The following MB21D2 variants were observed in gnomAD, a reference collection of about 807,000 sequenced individuals.
MB21D2 encodes the protein nucleotidyltransferase MB21D2.
A neutral mutation model predicts 33.3 loss-of-function variants in MB21D2; 9 were observed. That is an observed-to-expected ratio of 0.27 (90% CI 0.16 to 0.47). The LOEUF is 0.47. MB21D2 is among the 20% of genes least tolerant of loss of function. The pLI is 0.99. For synonymous variants in MB21D2, 241 were observed against 236.3 expected, an observed-to-expected ratio of 1.02 and a Z score of -0.18; for missense variants, 540 against 624.6, an observed-to-expected ratio of 0.86 and a Z score of 1.44.
At chr3:192,839,040 T>A (rs529120792) in intron 1 of MB21D2, among the ~76,000 whole-genome samples, 4 of 152,294 alleles carry the variant, frequency 2.6e-5, no homozygotes, top group South Asian at 4.1e-4. Context: ...GTTACGACCT[T>A]TTTCTTTTAC....
chr3:192,841,203 TAA>T (rs747729573), intron 1 of MB21D2, among the ~76,000 whole-genome samples: 2 of 152,182 alleles, frequency 1.3e-5, no homozygotes, highest in Non-Finnish European at 2.9e-5. Flanking sequence ...CCTGCAAACT[TAA>T]ACAGTGCCAG....
intron 1 of MB21D2, among the ~76,000 whole-genome samples, chr3:192,850,669 C>G (rs1188944088): frequency 6.6e-6 from 1 of 152,188 alleles, no homozygotes; most frequent in Non-Finnish European, 1.5e-5. Flanking sequence ...CTGAGCAAAC[C>G]TGTCAGTGGA....
intron 1 of MB21D2, among the ~76,000 whole-genome samples, chr3:192,825,478 TA>T (rs1162371598): frequency 6.8e-6 from 1 of 147,920 alleles, no homozygotes; most frequent in Non-Finnish European, 1.5e-5. Flanking sequence ...GCCCATGAAA[TA>T]AAAAGAAAAA....
intron 1 of MB21D2, among the ~76,000 whole-genome samples, chr3:192,841,746 CTG>C (rs1033342708): frequency 4.6e-5 from 7 of 152,246 alleles, no homozygotes; most frequent in African/African-American, 1.4e-4. Flanking sequence ...GTGGAGTAAT[CTG>C]TTACACAGCA....
intron 1 of MB21D2, among the ~76,000 whole-genome samples, chr3:192,822,558 G>A (rs572689288): frequency 2.0e-5 from 3 of 152,306 alleles, no homozygotes; most frequent in Admixed American, 6.5e-5. Context: ...TGGGGACCAC[G>A]AGGAAGCATG....
chr3:192,832,828 A>C (rs1056559659), intron 1 of MB21D2, among the ~76,000 whole-genome samples: 2 of 152,172 alleles, frequency 1.3e-5, no homozygotes, highest in African/African-American at 4.8e-5. Context: ...GAGTACATCT[A>C]CTGACAGACC....
At position 192,851,981 on chromosome 3, in the gene MB21D2, GAAC is replaced by G. The variant is rs1242890927; in HGVS notation, c.212-52334_212-52332del. ...TTCTAGGAAACATCAACAAAGACTA[GAAC>G]AACTGGGCAGCTTCGAGGAATGATT... On this transcript the variant is annotated intron_variant, in intron 1 of 1. Coordinates refer to ENST00000392452, the MANE Select transcript of MB21D2 (RefSeq NM_178496.4). 4.6e-5 allele frequency among the ~76,000 whole-genome samples: 7 copies of G among 152,246 alleles called. No individual in the cohort carries two copies. The East Asian group carries it at 1.4e-3, about 29-fold the overall frequency.
intron 1 of MB21D2, among the ~76,000 whole-genome samples, chr3:192,893,070 A>G (rs545235199): frequency 2.4e-4 from 37 of 152,250 alleles, no homozygotes; most frequent in South Asian, 1.0e-3. Context: ...GCCTTCCAAG[A>G]CGCAGTTACA....
chr3:192,802,367 C>T (rs1711579482), intron 1 of MB21D2, among the ~76,000 whole-genome samples: 3 of 134,850 alleles, frequency 2.2e-5, no homozygotes, highest in Admixed American at 2.2e-4. Flanking sequence ...TCATAAACAT[C>T]CTAACTCCAT....
At chr3:192,869,912 T>G (rs1713253692) in intron 1 of MB21D2, among the ~76,000 whole-genome samples, 1 of 152,146 alleles carries the variant, frequency 6.6e-6, no homozygotes, top group African/African-American at 2.4e-5. Flanking sequence ...AGCTTCAGCC[T>G]TTAAATTATA....
At chr3:192,887,762 G>T (rs1237963921) in intron 1 of MB21D2, among the ~76,000 whole-genome samples, 1 of 151,886 alleles carries the variant, frequency 6.6e-6, no homozygotes, top group Non-Finnish European at 1.5e-5. Flanking sequence ...CCTATTTTTT[G>T]AACGCTAGCA....
intron 1 of MB21D2, among the ~76,000 whole-genome samples, chr3:192,825,816 T>C (rs182586411): frequency 5.9e-5 from 9 of 152,364 alleles, no homozygotes; most frequent in African/African-American, 1.9e-4. Flanking sequence ...ATGTCAACTG[T>C]TGAACCAGCA....
intron 1 of MB21D2, among the ~76,000 whole-genome samples, chr3:192,910,818 C>T (rs867279274): frequency 1.8e-4 from 27 of 152,114 alleles, no homozygotes; most frequent in Non-Finnish European, 5.9e-5. Flanking sequence ...CATTGGAAAA[C>T]GGGCAGAATT....
chr3:192,800,185 C>A (rs917194528), intron 1 of MB21D2, among the ~76,000 whole-genome samples: 2 of 152,150 alleles, frequency 1.3e-5, no homozygotes, highest in African/African-American at 4.8e-5. Context: ...TCAGTGTGGG[C>A]TGGAGACACT....
At chr3:192,854,775 A>C (rs1712881381) in intron 1 of MB21D2, among the ~76,000 whole-genome samples, 1 of 152,254 alleles carries the variant, frequency 6.6e-6, no homozygotes, top group African/African-American at 2.4e-5. Flanking sequence ...AAGGTCTTTA[A>C]GAATTACACT....
chr3:192,830,241 A>AGTGT lies in MB21D2; in HGVS notation c.212-30595_212-30592dup, dbSNP rs34472117. On this transcript the variant is annotated intron_variant, in intron 1 of 1. Coordinates refer to ENST00000392452, the MANE Select transcript of MB21D2 (RefSeq NM_178496.4). ...AATGCTTCAAAGATGAGTGTGTGTG[A>AGTGT]GTGTGTGTGTGTGTGTGTGTGTGTG... 2.0e-3 allele frequency among the ~76,000 whole-genome samples: 300 copies of AGTGT among 146,460 alleles called. 1 individual carries two copies. Among genetic ancestry groups the AGTGT allele is most frequent in the African/African-American group, 4.0e-3 (163 of 40,636 alleles).
intron 1 of MB21D2, among the ~76,000 whole-genome samples, chr3:192,891,260 A>G (rs1244911554): frequency 1.3e-5 from 2 of 152,220 alleles, no homozygotes; most frequent in African/African-American, 4.8e-5. Flanking sequence ...CATTTGTAAT[A>G]CATTGAAGGC....
chr3:192,917,056 T>C (rs1273997264), intron 1 of MB21D2, among the ~76,000 whole-genome samples: 1 of 152,238 alleles, frequency 6.6e-6, no homozygotes, highest in African/African-American at 2.4e-5. Context: ...ACGCCTAGAC[T>C]ACTTCAGCGG....
At chr3:192,841,504 G>A (rs558301602) in intron 1 of MB21D2, among the ~76,000 whole-genome samples, 10 of 152,312 alleles carry the variant, frequency 6.6e-5, no homozygotes, top group Admixed American at 4.6e-4. Flanking sequence ...GTTGAGTAGC[G>A]CTATGGGGAG....
Sources: allele counts gnomAD v4.1 joint callset (sites outside exome capture counted in the v4.1 genomes callset), GRCh38; gene constraint gnomAD v4.1.1; transcripts MANE v1.5; gene names NCBI Gene and HGNC (gene_info 2026-07-23, HGNC 2026-07-21).